The following THADA variants were observed in gnomAD, a reference collection of about 807,000 sequenced individuals.
THADA encodes tRNA (32-2'-O)-methyltransferase regulator THADA.
THADA carries 213 observed loss-of-function variants against 219.8 expected under a neutral mutation model. That is an observed-to-expected ratio of 0.97 (90% CI 0.87 to 1.09). The LOEUF (loss-of-function observed/expected upper bound fraction) is 1.09. THADA is among the 50% of genes least tolerant of loss of function. The pLI, the probability that THADA is intolerant of heterozygous loss-of-function variation, is 0.00. For synonymous variants in THADA, 1,018 were observed against 828.9 expected, an observed-to-expected ratio of 1.23 and a Z score of -3.92; for missense variants, 2,956 against 2,311.3, an observed-to-expected ratio of 1.28 and a Z score of -5.72.
chr2:43,586,946 G>A lies in THADA; in HGVS notation c.359C>T (p.Ser120Phe). 1 of 1,613,780 alleles carries A rather than the reference G, an allele frequency of 6.2e-7. No individual in the cohort carries two copies. The highest frequency in any genetic ancestry group is 1.7e-5 in the Admixed American group (1 of 59,980). ...FLPEAMHRFT[S>F]RLQEELNTTD... ...AGTATTCAATTCTTCCTGAAGACGA[G>A]AAGTAAAACGGTGCATAGCCTCAGG... Residue 120 changes from serine to phenylalanine, a missense_variant, in exon 5 of 38, where the codon TCT (serine) becomes TTT (phenylalanine). By Grantham distance (155) the Ser-to-Phe change is radical. Transcript: ENST00000405975.
At chr2:43,550,143 C>T (rs1696578994) in intron 19 of THADA, among the ~76,000 whole-genome samples, 1 of 152,138 alleles carries the variant, frequency 6.6e-6, no homozygotes, top group Non-Finnish European at 1.5e-5. Context: ...AGCAGAGGTT[C>T]AGGAACATGA....
chr2:43,233,031 A>G (rs1241825685), intron 36 of THADA, 149 bp from the exon 37 acceptor site: 1 of 726,216 alleles, frequency 1.4e-6, no homozygotes, highest in Non-Finnish European at 2.3e-6. Flanking sequence ...CTCACTGGAG[A>G]CGATTAATCA....
chr2:43,548,657 T>C (rs1207947693), intron 20 of THADA, among the ~76,000 whole-genome samples: 3 of 152,208 alleles, frequency 2.0e-5, no homozygotes, highest in East Asian at 1.9e-4. Flanking sequence ...TCCGTGGGCG[T>C]AGGACCCTCT....
intron 26 of THADA, among the ~76,000 whole-genome samples, chr2:43,448,395 T>C (rs1681851868): frequency 6.6e-6 from 1 of 152,118 alleles, no homozygotes. Context: ...CCTCCAAAAA[T>C]CTGGGGATCT....
intron 17 of THADA, chr2:43,556,059 G>GA (rs1311047147): frequency 9.7e-6 from 6 of 616,214 alleles, no homozygotes; most frequent in South Asian, 4.5e-5. Flanking sequence ...TTTATGTAGG[G>GA]AAAAAAGCAC....
intron 22 of THADA, among the ~76,000 whole-genome samples, chr2:43,514,768 AATAT>A (rs1171682446): frequency 1.1e-5 from 1 of 92,448 alleles, no homozygotes; most frequent in Non-Finnish European, 1.9e-5. Context: ...TAATATGTAT[AATAT>A]ATATTTTATA....
At chr2:43,298,217 G>A (rs1221350285) in intron 31 of THADA, among the ~76,000 whole-genome samples, 3 of 78,914 alleles carry the variant, frequency 3.8e-5, no homozygotes, top group Non-Finnish European at 6.8e-5. Flanking sequence ...GTAGAAAGAA[G>A]TAGACATGGG....
intron 26 of THADA, among the ~76,000 whole-genome samples, chr2:43,483,550 T>A (rs1484606124): frequency 1.3e-5 from 2 of 152,152 alleles, no homozygotes; most frequent in African/African-American, 4.8e-5. Flanking sequence ...AAACTTCTCA[T>A]TCCTATTTCC....
At position 43,359,810 on chromosome 2, in the gene THADA, G is replaced by C. The variant is rs1355524957; in HGVS notation, c.4228-15573C>G. Among the ~76,000 whole-genome samples, 4 of 150,718 alleles carry C rather than the reference G, an allele frequency of 2.7e-5. 1 individual carries two copies. The highest frequency in any genetic ancestry group is 9.7e-5 in the African/African-American group (4 of 41,052). ...GATTTTTTTTTTTTTCTTTTTAAGA[G>C]ATGGCATCTCCCTGTGTTGCCCAGG... On this transcript the variant is annotated intron_variant, in intron 29 of 37. Coordinates refer to ENST00000405975, the MANE Select transcript of THADA (RefSeq NM_022065.5).
intron 37 of THADA, among the ~76,000 whole-genome samples, chr2:43,232,262 T>A (rs1385275036): frequency 6.6e-6 from 1 of 151,908 alleles, no homozygotes. Context: ...CACTGCAACC[T>A]CCGCCTCCCA....
chr2:43,423,640 G>A (rs1678024322), intron 28 of THADA, among the ~76,000 whole-genome samples: 1 of 152,050 alleles, frequency 6.6e-6, no homozygotes, highest in African/African-American at 2.4e-5. Flanking sequence ...CACCGTGTTA[G>A]CCAGGATGGT....
chr2:43,336,914 G>A (rs942445655), intron 30 of THADA, among the ~76,000 whole-genome samples: 1 of 152,184 alleles, frequency 6.6e-6, no homozygotes, highest in Non-Finnish European at 1.5e-5. Flanking sequence ...ACTCATCAAG[G>A]GAGGATGGCT....
chr2:43,457,164 ACAC>A, intron 26 of THADA, among the ~76,000 whole-genome samples: 1 of 120,408 alleles, frequency 8.3e-6, no homozygotes, highest in African/African-American at 3.4e-5. Flanking sequence ...ACACACACAC[ACAC>A]ACACACACAC....
intron 26 of THADA, among the ~76,000 whole-genome samples, chr2:43,440,097 T>C (rs940116806): frequency 3.3e-5 from 5 of 152,176 alleles, no homozygotes; most frequent in African/African-American, 1.2e-4. Context: ...TTTCCTCATA[T>C]AGAACTGTGT....
intron 10 of THADA, 23 bp downstream of exon 10, chr2:43,576,999 G>A (rs1482029582): frequency 6.3e-7 from 1 of 1,593,062 alleles, no homozygotes; most frequent in African/African-American, 1.3e-5. Flanking sequence ...AACAAAATAT[G>A]AGACGATAGC....
intron 36 of THADA, among the ~76,000 whole-genome samples, chr2:43,266,275 C>T (rs1001394932): frequency 6.6e-6 from 1 of 152,188 alleles, no homozygotes; most frequent in African/African-American, 2.4e-5. Flanking sequence ...ATAGGTCTGC[C>T]TGTCATGAGC....
chr2:43,344,323 T>C (rs1667390819), intron 29 of THADA, 86 bp from the exon 30 acceptor site: 4 of 931,448 alleles, frequency 4.3e-6, no homozygotes, highest in Non-Finnish European at 3.2e-6. Flanking sequence ...TTCCTTAAAA[T>C]GTTCCCCTCA....
intron 26 of THADA, among the ~76,000 whole-genome samples, chr2:43,439,213 C>A (rs1466767333): frequency 6.6e-6 from 1 of 152,124 alleles, no homozygotes; most frequent in East Asian, 1.9e-4. Context: ...CTAAACAATT[C>A]ATAAGTTTTA....
chr2:43,532,625 A>T (rs1439116425), intron 21 of THADA, among the ~76,000 whole-genome samples: 1 of 152,176 alleles, frequency 6.6e-6, no homozygotes, highest in Non-Finnish European at 1.5e-5. Context: ...GCTATTTATG[A>T]CAAACCCATA....
Sources: allele counts gnomAD v4.1 joint callset (sites outside exome capture counted in the v4.1 genomes callset), GRCh38; gene constraint gnomAD v4.1.1; transcripts MANE v1.5; gene names NCBI Gene and HGNC (gene_info 2026-07-23, HGNC 2026-07-21).